Variants in SEPTIN2 observed in about 807,000 individuals in gnomAD.
SEPTIN2 encodes the protein septin-2.
SEPTIN2 carries 34 observed loss-of-function variants against 46.5 expected under a neutral mutation model. The observed-to-expected ratio is 0.73, with a 90% CI of 0.56 to 0.97. The LOEUF is 0.97. Among genes scored for constraint, SEPTIN2 ranks in the 50% least tolerant of loss-of-function variants. The probability of loss-of-function intolerance (pLI) is 0.00; values close to 1 mark genes in which losing one functional copy is unlikely to be tolerated. For missense variants in SEPTIN2, 347 were observed against 448.4 expected (o/e 0.77, Z 2.04); for synonymous variants, 175 against 153.4 (o/e 1.14, Z -1.04).
At chr2:241,343,210 A>G in intron 8 of SEPTIN2, 117 bp downstream of exon 8, 2 of 675,552 alleles carry the variant, frequency 3.0e-6, no homozygotes, top group South Asian at 1.9e-5. Flanking sequence ...CTTTCAATAT[A>G]TTTTAAGACC....
intron 1 of SEPTIN2, chr2:241,317,668 T>C: frequency 1.8e-6 from 1 of 541,090 alleles, no homozygotes; most frequent in Non-Finnish European, 2.4e-6. Flanking sequence ...CCAGTCCCTG[T>C]TAGGAGTGTT....
chr2:241,350,068 C>T lies in SEPTIN2; in HGVS notation c.985-5C>T. ...AAAACCTATAATGTGTGTGTGTGTT[C>T]ACAGCTCCGCCGCATGCAAGAGATG... On this transcript the variant is annotated splice_polypyrimidine_tract_variant and splice_region_variant and intron_variant, in intron 11 of 12. Coordinates refer to ENST00000391971, the MANE Select transcript of SEPTIN2 (RefSeq NM_004404.5). The T allele has an allele frequency of 6.2e-7, 1 of 1,613,382 alleles. No homozygotes were observed. Among genetic ancestry groups the T allele is most frequent in the Non-Finnish European group, 8.5e-7 (1 of 1,179,598 alleles).
chr2:241,349,981 G>A, intron 11 of SEPTIN2, 92 bp from the exon 12 acceptor site: 1 of 1,252,642 alleles, frequency 8.0e-7, no homozygotes, highest in Non-Finnish European at 1.1e-6. Context: ...GGAAGGTGTA[G>A]AAGTTGAAAT....
At chr2:241,338,267 C>T (rs1230553394) in intron 7 of SEPTIN2, among the ~76,000 whole-genome samples, 1 of 152,098 alleles carries the variant, frequency 6.6e-6, no homozygotes, top group African/African-American at 2.4e-5. Context: ...GTTTTAGTGC[C>T]TCTTCCGTGT....
At chr2:241,344,008 G>C (rs141996970) in intron 9 of SEPTIN2, 111 bp downstream of exon 9, 1 of 1,291,858 alleles carries the variant, frequency 7.7e-7, no homozygotes, top group South Asian at 1.3e-5. Flanking sequence ...CTTCATTGCC[G>C]CCCTCAGTGT....
chr2:241,331,697 A>G (rs1014416445), intron 3 of SEPTIN2, among the ~76,000 whole-genome samples: 8 of 152,222 alleles, frequency 5.3e-5, no homozygotes, highest in Non-Finnish European at 8.8e-5. Context: ...TCCAGCTCCA[A>G]CTTTCAGAAA....
chr2:241,330,212 A>T (rs889654127), intron 3 of SEPTIN2, among the ~76,000 whole-genome samples: 16 of 152,152 alleles, frequency 1.1e-4, no homozygotes, highest in Non-Finnish European at 2.2e-4. Flanking sequence ...GTGTGTTTCT[A>T]AAAAAATCAC....
chr2:241,326,113 G>T lies in SEPTIN2; in HGVS notation c.130G>T (p.Gly44Cys). The change falls in exon 3 of 13, where the codon GGT becomes TGT. Residue 44 changes from glycine (G) to cysteine (C), a missense_variant and splice_region_variant. Transcript: ENST00000391971. Reference protein sequence around the residue: ...KGFEFTLMVVGESGLGKSTLI... With the variant: ...KGFEFTLMVVCESGLGKSTLI... Reference sequence around the variant, plus strand: ...TTTTGAGTTCACACTGATGGTGGTCGGTAAGAAATTAATCTATAGTCTCCA... The same window carrying T: ...TTTTGAGTTCACACTGATGGTGGTCTGTAAGAAATTAATCTATAGTCTCCA... 6.2e-7 allele frequency: 1 copy of T among 1,609,084 alleles called. No individual in the cohort carries two copies. The highest frequency in any genetic ancestry group is 8.5e-7 in the Non-Finnish European group (1 of 1,177,620).
intron 1 of SEPTIN2, among the ~76,000 whole-genome samples, chr2:241,323,018 A>G (rs1003221830): frequency 6.6e-6 from 1 of 152,146 alleles, no homozygotes. Context: ...GCTTTTATCA[A>G]CTTAAAAATT....
chr2:241,350,460 A>G (rs2060685724), intron 12 of SEPTIN2, among the ~76,000 whole-genome samples: 1 of 151,812 alleles, frequency 6.6e-6, no homozygotes, highest in African/African-American at 2.4e-5. Flanking sequence ...ATTGGGGTAC[A>G]TTTGCAGGTT....
chr2:241,324,637 G>A (rs1451437751), intron 2 of SEPTIN2: 1 of 292,876 alleles, frequency 3.4e-6, no homozygotes, highest in Non-Finnish European at 6.7e-6. Context: ...CACCCGCTTT[G>A]GCCCCCCGAA....
chr2:241,323,309 C>G (rs1029030939), intron 1 of SEPTIN2, among the ~76,000 whole-genome samples: 6 of 151,984 alleles, frequency 3.9e-5, no homozygotes, highest in Non-Finnish European at 8.8e-5. Flanking sequence ...TAGCTGGGAT[C>G]ACAGGCACGC....
intron 1 of SEPTIN2, chr2:241,317,561 G>A: frequency 1.0e-6 from 1 of 983,310 alleles, no homozygotes; most frequent in Non-Finnish European, 1.2e-6. Flanking sequence ...TTGTCTGGAG[G>A]AATGGGGACA....
At chr2:241,320,581 G>A (rs892314278) in intron 1 of SEPTIN2, among the ~76,000 whole-genome samples, 4 of 152,128 alleles carry the variant, frequency 2.6e-5, no homozygotes, top group Non-Finnish European at 5.9e-5. Flanking sequence ...ATCACCTGAG[G>A]TCAGGAAGTT....
chr2:241,336,648 A>G (rs960313195), intron 5 of SEPTIN2: 2 of 169,278 alleles, frequency 1.2e-5, no homozygotes, highest in Non-Finnish European at 2.8e-5. Context: ...TTTCTCCTAC[A>G]TTTAGGAATT....
intron 1 of SEPTIN2, among the ~76,000 whole-genome samples, chr2:241,319,366 C>G (rs1374528949): frequency 2.6e-5 from 4 of 152,214 alleles, no homozygotes; most frequent in Non-Finnish European, 5.9e-5. Flanking sequence ...TATTGACCTT[C>G]AGTTGCTAAT....
intron 7 of SEPTIN2, among the ~76,000 whole-genome samples, chr2:241,338,273 C>A (rs1273857554): frequency 6.6e-6 from 1 of 152,016 alleles, no homozygotes; most frequent in Non-Finnish European, 1.5e-5. Context: ...GTGCCTCTTC[C>A]GTGTATGTCT....
chr2:241,316,725 G>C (rs1340775305), intron 1 of SEPTIN2: 2 of 465,300 alleles, frequency 4.3e-6, no homozygotes, highest in Non-Finnish European at 7.7e-6. Context: ...TCTAATTCTT[G>C]TCAGTGCCAC....
At chr2:241,325,549 C>T (rs1487533851) in intron 2 of SEPTIN2, among the ~76,000 whole-genome samples, 1 of 152,088 alleles carries the variant, frequency 6.6e-6, no homozygotes, top group African/African-American at 2.4e-5. Context: ...CACCTAATAC[C>T]TGGGAGAAGC....
Sources: gnomAD v4.1 joint callset for allele counts (sites outside exome capture counted in the v4.1 genomes callset) on GRCh38, gnomAD v4.1.1 for gene constraint, MANE v1.5 for transcripts, NCBI Gene and HGNC (gene_info 2026-07-23, HGNC 2026-07-21) for gene names.